NCOA3: variants seen among roughly 807,000 people sequenced by gnomAD.
NCOA3 encodes nuclear receptor coactivator 3.
NCOA3 carries 51 observed loss-of-function variants against 158.8 expected under a neutral mutation model. The observed-to-expected ratio is 0.32, with a 90% confidence interval of 0.26 to 0.41. The LOEUF (loss-of-function observed/expected upper bound fraction) is 0.41, where lower values mean the gene tolerates loss of function less well. Among genes scored for constraint, NCOA3 ranks in the 10% least tolerant of loss-of-function variants. NCOA3 has a pLI of 1.00. For synonymous variants in NCOA3, 537 were observed against 592.4 expected (o/e 0.91, Z 1.36); for missense variants, 1,510 against 1,746.6 (o/e 0.86, Z 2.41).
chr20:47,573,705 G>T (rs2085330486), intron 1 of NCOA3, among the ~76,000 whole-genome samples: 1 of 152,190 alleles, frequency 6.6e-6, no homozygotes, highest in South Asian at 2.1e-4. Flanking sequence ...CTTGGGGAGA[G>T]GGAGTATGAA....
At chr20:47,652,643 T>C (rs1399328653) in intron 21 of NCOA3, 63 bp downstream of exon 21, 74 of 1,482,452 alleles carry the variant, frequency 5.0e-5, no homozygotes, top group Non-Finnish European at 6.0e-5. Flanking sequence ...GAACTTAATG[T>C]ATTTTTCAGT....
At chr20:47,579,235 A>G (rs1268547473) in intron 1 of NCOA3, among the ~76,000 whole-genome samples, 1 of 152,246 alleles carries the variant, frequency 6.6e-6, no homozygotes, top group African/African-American at 2.4e-5. Context: ...CCTCCTGAGT[A>G]GCTGGCGTTA....
At chr20:47,606,078 C>T (rs1488989701) in intron 2 of NCOA3, among the ~76,000 whole-genome samples, 1 of 152,182 alleles carries the variant, frequency 6.6e-6, no homozygotes, top group African/African-American at 2.4e-5. Flanking sequence ...GAACTTCTGG[C>T]AAGTGACCCT....
chr20:47,585,378 G>GA (rs1182312909), intron 2 of NCOA3, among the ~76,000 whole-genome samples: 1 of 151,984 alleles, frequency 6.6e-6, no homozygotes, highest in Non-Finnish European at 1.5e-5. Flanking sequence ...ATCAGAATAG[G>GA]AAAAATGAGA....
At chr20:47,643,160 C>A (rs549447855) in intron 17 of NCOA3, among the ~76,000 whole-genome samples, 18 of 152,336 alleles carry the variant, frequency 1.2e-4, no homozygotes, top group Admixed American at 9.8e-4. Flanking sequence ...GTGATCCACT[C>A]GCCTTGGCCT....
Position 47,651,062 on chromosome 20 carries a change from T to C in NCOA3, c.3732T>C (p.Ala1244=). 3 of 1,612,150 alleles carry C rather than the reference T, an allele frequency of 1.9e-6. No homozygotes were observed. The highest frequency in any genetic ancestry group is 1.7e-4 in the Middle Eastern group (1 of 6,058). The part of the protein sequence containing the change: ...LSHHFRQQRV[A]MMMQQQQQQQ... ...ATCACTTCCGACAACAGAGGGTGGC[T>C]ATGATGATGCAGCAGCAGCAGCAGC... is the stretch of plus-strand genomic sequence containing the variant. The change falls in exon 20 of 23, where the codon GCT becomes GCC. Residue 1244 remains alanine, a synonymous_variant. Coordinates refer to ENST00000371998, the MANE Select transcript of NCOA3 (RefSeq NM_181659.3).
chr20:47,613,921 T>A (rs1055793550), intron 2 of NCOA3, among the ~76,000 whole-genome samples: 1 of 151,114 alleles, frequency 6.6e-6, no homozygotes, highest in African/African-American at 2.4e-5. Context: ...AAAAAAAAAA[T>A]TAAAAAAAAT....
In NCOA3 at chr20:47,652,928, C is replaced by A; in HGVS notation, c.4122-3C>A. On this transcript the variant is annotated splice_polypyrimidine_tract_variant and splice_region_variant and intron_variant, in intron 21 of 22. Coordinates refer to ENST00000371998, the MANE Select transcript of NCOA3 (RefSeq NM_181659.3). ...GGTAATATTACCATTTGTTTACTTA[C>A]AGCTCCTTTTCCCAGCAGCAGTTTG... The A allele has an allele frequency of 6.2e-7, 1 of 1,613,998 alleles. No homozygotes were observed. The highest frequency in any genetic ancestry group is 8.5e-7 in the Non-Finnish European group (1 of 1,179,928).
In NCOA3 at chr20:47,577,629, T is replaced by C. The variant is rs181444462; in HGVS notation, c.-98-5554T>C. Among the ~76,000 whole-genome samples, 17 of 152,322 alleles carry C rather than the reference T, an allele frequency of 1.1e-4. No individual in the cohort carries two copies. The East Asian group carries it at 3.1e-3, about 28-fold the overall frequency. ...AGGTCTGTTTATACCTGCTTCCCTT[T>C]TCCTAATTAATTGATGGCAGCAACT... On this transcript the variant is annotated intron_variant, in intron 1 of 22. Transcript: ENST00000371998.
chr20:47,603,994 G>A (rs1445648134), intron 2 of NCOA3, among the ~76,000 whole-genome samples: 2 of 152,172 alleles, frequency 1.3e-5, no homozygotes, highest in African/African-American at 2.4e-5. Flanking sequence ...CTTCTACCCA[G>A]TATTTCCCTG....
At chr20:47,627,847 G>A in intron 7 of NCOA3, 75 bp from the exon 8 acceptor site, 2 of 1,570,814 alleles carry the variant, frequency 1.3e-6, no homozygotes, top group Non-Finnish European at 1.7e-6. Context: ...TGAATTCCAT[G>A]TCTTTGCTTG....
intron 1 of NCOA3, among the ~76,000 whole-genome samples, chr20:47,576,135 A>G (rs2085368995): frequency 6.6e-6 from 1 of 152,226 alleles, no homozygotes; most frequent in African/African-American, 2.4e-5. Flanking sequence ...AGAAAAATTT[A>G]AACCTTAGCT....
intron 1 of NCOA3, among the ~76,000 whole-genome samples, chr20:47,504,478 CTTTTTTT>C (rs58220390): frequency 1.1e-4 from 11 of 98,666 alleles, no homozygotes; most frequent in Admixed American, 3.5e-4. Context: ...CTAAGTGTGT[CTTTTTTT>C]TTTTTTTTTT....
chr20:47,651,736 C>T (rs2086797265), intron 20 of NCOA3, among the ~76,000 whole-genome samples: 1 of 151,918 alleles, frequency 6.6e-6, no homozygotes, highest in South Asian at 2.1e-4. Flanking sequence ...GCGATCTTGG[C>T]TCACTGCAAC....
chr20:47,650,297 C>T (rs948363266), intron 19 of NCOA3, among the ~76,000 whole-genome samples: 1 of 145,650 alleles, frequency 6.9e-6, no homozygotes, highest in African/African-American at 2.6e-5. Flanking sequence ...GTTGCCCAGG[C>T]TGGAGTACAG....
rs1421479414 is a variant in NCOA3, at chr20:47,655,852, A to G, written c.*2435A>G. The G allele has an allele frequency of 2.0e-5, 3 of 152,458 alleles. No homozygotes were observed. Among genetic ancestry groups the G allele is most frequent in the Non-Finnish European group, 2.9e-5 (2 of 67,988 alleles). The allele number at this position is 152,458 out of a possible 1,614,324, so 9.4% of individuals were successfully genotyped here. A position where few individuals can be genotyped will look rare whatever the true frequency, so the allele number is the denominator to read the frequency against. On this transcript the variant is annotated 3_prime_UTR_variant, in exon 23 of 23. Coordinates refer to ENST00000371998, the MANE Select transcript of NCOA3 (RefSeq NM_181659.3). ...ACTGGAAGGCAGCACTCCCTTTTTT[A>G]TATAGTAGAAAAATGAAGTTTATTA...
intron 8 of NCOA3, chr20:47,630,996 G>A (rs2086405972): frequency 6.6e-6 from 1 of 152,186 alleles, no homozygotes; most frequent in Non-Finnish European, 1.5e-5. Context: ...AGCTTCCTAT[G>A]AAGTCTGCCA....
intron 2 of NCOA3, among the ~76,000 whole-genome samples, chr20:47,611,121 C>G (rs6066409): frequency 0.29 from 44,551 of 151,998 alleles, 7,185 homozygotes; most frequent in East Asian, 0.59. Context: ...ATTTACTTCT[C>G]AATACTGTCT....
At chr20:47,653,251 C>T (rs915467634) in intron 22 of NCOA3, among the ~76,000 whole-genome samples, 155 bp from the exon 23 acceptor site, 3 of 152,092 alleles carry the variant, frequency 2.0e-5, no homozygotes, top group African/African-American at 7.2e-5. Context: ...TTTGGTAAGC[C>T]AGAGCTGCAT....
Sources: allele counts gnomAD v4.1 joint callset (sites outside exome capture counted in the v4.1 genomes callset), GRCh38; gene constraint gnomAD v4.1.1; transcripts MANE v1.5; gene names NCBI Gene and HGNC (gene_info 2026-07-23, HGNC 2026-07-21).